Variants in SHISA6 observed in about 807,000 individuals in gnomAD.
SHISA6 encodes protein shisa-6.
Under a neutral mutation model 47.9 loss-of-function variants are expected in SHISA6, and 22 were observed. The observed-to-expected ratio is 0.46, with a 90% CI of 0.33 to 0.66. SHISA6 has a LOEUF of 0.66. Ranked by LOEUF, SHISA6 falls within the 30% of genes least tolerant of loss-of-function variation. The pLI is 0.02. For missense variants in SHISA6, 680 were observed against 764.6 expected (o/e 0.89, Z 1.30); for synonymous variants, 388 against 337.8 (o/e 1.15, Z -1.63).
rs116108328 is a variant in SHISA6 at position 11,553,654 on chromosome 17, T to C, written c.952+1702T>C. On this transcript the variant is annotated intron_variant, in intron 4 of 5. Transcript: ENST00000441885. The stretch of plus-strand genomic sequence containing the variant: ...AGGGGGCCTGAGTCTACTTAATTAG[T>C]GTTCCACAAAGAGCATTAATTGGAT... Among the ~76,000 whole-genome samples, 525 of 152,240 alleles carry C rather than the reference T, an allele frequency of 3.4e-3. 2 individuals carry two copies. Among genetic ancestry groups the C allele is most frequent in the African/African-American group, 0.012 (488 of 41,548 alleles).
intron 1 of SHISA6, among the ~76,000 whole-genome samples, chr17:11,257,666 AAAAAAAG>A (rs1291042997): frequency 2.0e-5 from 3 of 151,604 alleles, no homozygotes; most frequent in Non-Finnish European, 4.4e-5. Flanking sequence ...GTCTCAAAAA[AAAAAAAG>A]AAAAAAAGAA....
intron 2 of SHISA6, among the ~76,000 whole-genome samples, chr17:11,335,303 A>G (rs1040353665): frequency 6.6e-6 from 1 of 152,162 alleles, no homozygotes; most frequent in African/African-American, 2.4e-5. Flanking sequence ...TGCCAGCCAT[A>G]TTGGGTCACT....
chr17:11,324,761 A>G (rs1299984663), intron 2 of SHISA6, among the ~76,000 whole-genome samples: 1 of 152,130 alleles, frequency 6.6e-6, no homozygotes, highest in Admixed American at 6.5e-5. Flanking sequence ...GATTTACTTT[A>G]AAATCTCAAA....
At chr17:11,444,079 G>C (rs2142299721) in intron 3 of SHISA6, among the ~76,000 whole-genome samples, 1 of 152,286 alleles carries the variant, frequency 6.6e-6, no homozygotes, top group Admixed American at 6.5e-5. Context: ...AACACTTTGG[G>C]AGGCCAAGGC....
At chr17:11,304,677 G>A (rs990990647) in intron 2 of SHISA6, among the ~76,000 whole-genome samples, 1 of 152,126 alleles carries the variant, frequency 6.6e-6, no homozygotes, top group Non-Finnish European at 1.5e-5. Context: ...GCCAAGGAAG[G>A]AGTGCCAGTG....
At position 11,273,210 on chromosome 17, in the gene SHISA6, T is replaced by C. The variant is rs536153793; in HGVS notation, c.799+9684T>C. ...AGGTCACACAGCCAGGAGGGGGTGCTGACTGATCTGGGCGCTAAACACAGA... is the reference window on the plus strand; with the variant it reads ...AGGTCACACAGCCAGGAGGGGGTGCCGACTGATCTGGGCGCTAAACACAGA... On this transcript the variant is annotated intron_variant, in intron 2 of 5. Coordinates refer to ENST00000441885, the MANE Select transcript of SHISA6 (RefSeq NM_207386.4). 4.7e-4 allele frequency among the ~76,000 whole-genome samples: 72 copies of C among 152,328 alleles called. 1 individual carries two copies. The South Asian group carries it at 0.014, about 30-fold the overall frequency.
intron 3 of SHISA6, among the ~76,000 whole-genome samples, chr17:11,535,176 A>G (rs1187786968): frequency 3.3e-5 from 5 of 152,184 alleles, no homozygotes; most frequent in Admixed American, 2.0e-4. Flanking sequence ...GCTATGGTGC[A>G]GGAAAGCAGG....
chr17:11,332,942 C>T (rs995591329), intron 2 of SHISA6, among the ~76,000 whole-genome samples: 5 of 152,092 alleles, frequency 3.3e-5, no homozygotes, highest in Non-Finnish European at 4.4e-5. Context: ...ACTGCCAGTG[C>T]GGCATCTAGA....
At chr17:11,492,823 C>T (rs2071375770) in intron 3 of SHISA6, among the ~76,000 whole-genome samples, 1 of 152,172 alleles carries the variant, frequency 6.6e-6, no homozygotes, top group Non-Finnish European at 1.5e-5. Context: ...AAGCCCCAAT[C>T]CCCACTTCTC....
intron 2 of SHISA6, among the ~76,000 whole-genome samples, chr17:11,362,216 T>C (rs558657166): frequency 1.3e-5 from 2 of 152,266 alleles, no homozygotes; most frequent in South Asian, 4.1e-4. Context: ...CATAGCTTAC[T>C]GCAGTCTCAA....
chr17:11,446,299 A>G (rs1021205779), intron 3 of SHISA6, among the ~76,000 whole-genome samples: 3 of 152,164 alleles, frequency 2.0e-5, no homozygotes, highest in Non-Finnish European at 4.4e-5. Context: ...ATGACTCTAC[A>G]TGTGATCAAA....
chr17:11,477,175 A>G (rs572481387), intron 3 of SHISA6, among the ~76,000 whole-genome samples: 1 of 152,092 alleles, frequency 6.6e-6, no homozygotes, highest in Non-Finnish European at 1.5e-5. Context: ...TGGGTTTCTT[A>G]TAGTCAGCAT....
chr17:11,431,235 G>A (rs1018941966), intron 3 of SHISA6, among the ~76,000 whole-genome samples: 2 of 152,078 alleles, frequency 1.3e-5, no homozygotes, highest in East Asian at 3.9e-4. Flanking sequence ...GTACTTCCTC[G>A]CTGCTGCTGA....
intron 1 of SHISA6, among the ~76,000 whole-genome samples, chr17:11,262,866 A>G (rs746756852): frequency 6.6e-6 from 1 of 151,794 alleles, no homozygotes; most frequent in Non-Finnish European, 1.5e-5. Context: ...CAGCTCAATC[A>G]CACCCTTCCT....
intron 2 of SHISA6, among the ~76,000 whole-genome samples, chr17:11,269,608 A>G (rs1908565867): frequency 6.6e-6 from 1 of 152,194 alleles, no homozygotes; most frequent in South Asian, 2.1e-4. Context: ...GTGCAGCTGA[A>G]CTGGGAAACT....
intron 2 of SHISA6, among the ~76,000 whole-genome samples, chr17:11,297,385 A>T (rs1225000820): frequency 1.3e-5 from 2 of 152,112 alleles, no homozygotes; most frequent in African/African-American, 2.4e-5. Context: ...CTAGAACTGG[A>T]ATGATCATTC....
chr17:11,481,274 T>G (rs942225453), intron 3 of SHISA6, among the ~76,000 whole-genome samples: 2 of 150,642 alleles, frequency 1.3e-5, no homozygotes, highest in Non-Finnish European at 2.9e-5. Flanking sequence ...GCAAGACACC[T>G]TCTCAAAATA....
At chr17:11,469,018 CAAAAAAAAAAAAAAAAAA>C (rs61191316) in intron 3 of SHISA6, among the ~76,000 whole-genome samples, 19 of 46,084 alleles carry the variant, frequency 4.1e-4, no homozygotes, top group Admixed American at 2.5e-3. Flanking sequence ...GACTCCGTCT[CAAAAAAAAAAAAAAAAAA>C]AAAAAAAAAA....
chr17:11,367,664 C>G (rs551529476), intron 2 of SHISA6, among the ~76,000 whole-genome samples: 1 of 152,124 alleles, frequency 6.6e-6, no homozygotes, highest in Non-Finnish European at 1.5e-5. Context: ...CCCACATCTA[C>G]TAGATGTAGC....
Sources: allele counts gnomAD v4.1 joint callset (sites outside exome capture counted in the v4.1 genomes callset), GRCh38; gene constraint gnomAD v4.1.1; transcripts MANE v1.5; gene names NCBI Gene and HGNC (gene_info 2026-07-23, HGNC 2026-07-21).